NPAS3: variants seen among roughly 807,000 people sequenced by gnomAD.
NPAS3 encodes the protein neuronal PAS domain protein 3.
A neutral mutation model predicts 73.1 loss-of-function variants in NPAS3; 14 were observed. That is an observed-to-expected ratio of 0.19 (90% confidence interval 0.13 to 0.30). NPAS3 has a LOEUF of 0.30. Among genes scored for constraint, NPAS3 ranks in the 10% least tolerant of loss-of-function variants. The pLI, the probability that NPAS3 is intolerant of heterozygous loss-of-function variation, is 1.00. For synonymous variants in NPAS3, 620 were observed against 541.5 expected, an observed-to-expected ratio of 1.14 and a Z score of -2.01; for missense variants, 1,096 against 1,250.0, an observed-to-expected ratio of 0.88 and a Z score of 1.86.
In NPAS3 at chr14:33,386,390, C is replaced by T. The variant is rs1175689189; in HGVS notation, c.468+19122C>T. Among the ~76,000 whole-genome samples, 5 of 152,262 alleles carry T rather than the reference C, an allele frequency of 3.3e-5. No homozygotes were observed. In the East Asian group the frequency reaches 5.8e-4, roughly 18 times the overall value. ...ATCTCTTTCATTCCACAGAATCCTTCTTAAAGAGAGTGAGTAGATTTATCT... is the reference window on the plus strand; with the variant it reads ...ATCTCTTTCATTCCACAGAATCCTTTTTAAAGAGAGTGAGTAGATTTATCT... On this transcript the variant is annotated intron_variant, in intron 4 of 11. Coordinates refer to ENST00000356141, the Ensembl canonical transcript of NPAS3.
chr14:32,959,737 T>G (rs1250144201), intron 1 of NPAS3, among the ~76,000 whole-genome samples: 1 of 152,150 alleles, frequency 6.6e-6, no homozygotes, highest in East Asian at 1.9e-4. Flanking sequence ...GCATCACTAC[T>G]TTGTGTCGAG....
chr14:33,365,112 A>G (rs1331588298), intron 3 of NPAS3, among the ~76,000 whole-genome samples: 2 of 146,048 alleles, frequency 1.4e-5, no homozygotes, highest in Non-Finnish European at 3.0e-5. Flanking sequence ...TCTGAATCCT[A>G]ATTACTGTCT....
chr14:33,227,935 C>G (rs2047695666), intron 3 of NPAS3, among the ~76,000 whole-genome samples: 1 of 152,104 alleles, frequency 6.6e-6, no homozygotes, highest in African/African-American at 2.4e-5. Flanking sequence ...GTTGAACACT[C>G]CTGAGTTCAA....
intron 3 of NPAS3, among the ~76,000 whole-genome samples, chr14:33,266,763 AT>A (rs2139990272): frequency 6.6e-6 from 1 of 152,238 alleles, no homozygotes; most frequent in Non-Finnish European, 1.5e-5. Context: ...AATCTCAAAT[AT>A]TTTTATAGAG....
intron 6 of NPAS3, among the ~76,000 whole-genome samples, chr14:33,728,933 G>A (rs1013092166): frequency 1.3e-5 from 2 of 152,172 alleles, no homozygotes; most frequent in African/African-American, 4.8e-5. Flanking sequence ...GTGTGTGAGA[G>A]AGTGACAGGG....
At chr14:33,122,018 T>C (rs2043248647) in intron 2 of NPAS3, among the ~76,000 whole-genome samples, 1 of 152,154 alleles carries the variant, frequency 6.6e-6, no homozygotes, top group Admixed American at 6.5e-5. Context: ...ATGAAATTAC[T>C]GTGTTAATGT....
intron 5 of NPAS3, among the ~76,000 whole-genome samples, chr14:33,602,007 C>A (rs898806437): frequency 6.6e-6 from 1 of 152,144 alleles, no homozygotes; most frequent in Non-Finnish European, 1.5e-5. Context: ...GTGAGTCCTA[C>A]AACTTTTCCA....
chr14:33,243,989 G>A (rs1231786315), intron 3 of NPAS3, among the ~76,000 whole-genome samples: 1 of 152,030 alleles, frequency 6.6e-6, no homozygotes, highest in African/African-American at 2.4e-5. Context: ...TAATGTGAAA[G>A]CTTCTTTTTC....
chr14:33,045,274 A>C (rs2040471432), intron 1 of NPAS3, among the ~76,000 whole-genome samples: 1 of 152,126 alleles, frequency 6.6e-6, no homozygotes, highest in Admixed American at 6.5e-5. Context: ...AGGAGTTGGA[A>C]AGTTGCCTAT....
chr14:33,151,850 C>T (rs1205478330), intron 2 of NPAS3, among the ~76,000 whole-genome samples: 2 of 152,144 alleles, frequency 1.3e-5, no homozygotes, highest in African/African-American at 4.8e-5. Flanking sequence ...TAAAGTTAGT[C>T]TCTTTCTCTC....
intron 6 of NPAS3, among the ~76,000 whole-genome samples, chr14:33,686,415 C>T (rs1334542863): frequency 1.3e-5 from 2 of 152,114 alleles, no homozygotes; most frequent in Admixed American, 6.5e-5. Context: ...TATTTTATTA[C>T]TTATAAATAC....
chr14:33,153,299 A>G (rs1270572036), intron 2 of NPAS3, among the ~76,000 whole-genome samples: 1 of 151,788 alleles, frequency 6.6e-6, no homozygotes, highest in East Asian at 1.9e-4. Context: ...ATTTATGGTT[A>G]AGTGGTTTGG....
At chr14:32,957,828 T>A (rs1364789196) in intron 1 of NPAS3, among the ~76,000 whole-genome samples, 2 of 152,214 alleles carry the variant, frequency 1.3e-5, no homozygotes, top group African/African-American at 4.8e-5. Context: ...CACTTCTTAA[T>A]CCTGAATTTG....
intron 4 of NPAS3, among the ~76,000 whole-genome samples, chr14:33,531,749 A>G (rs1038455952): frequency 6.6e-6 from 1 of 152,098 alleles, no homozygotes; most frequent in Admixed American, 6.6e-5. Context: ...CTTTCTAAGA[A>G]ACTGCTTTAA....
At chr14:33,755,920 C>CTT (rs930873800) in intron 7 of NPAS3, among the ~76,000 whole-genome samples, 1 of 152,054 alleles carries the variant, frequency 6.6e-6, no homozygotes, top group African/African-American at 2.4e-5. Flanking sequence ...GGTGCCAGGT[C>CTT]TTTAACAACC....
chr14:33,039,062 T>G (rs1488826213), intron 1 of NPAS3, among the ~76,000 whole-genome samples: 1 of 152,200 alleles, frequency 6.6e-6, no homozygotes, highest in Non-Finnish European at 1.5e-5. Context: ...ATCAAAGATT[T>G]ACCCATGAAG....
intron 3 of NPAS3, among the ~76,000 whole-genome samples, chr14:33,351,817 T>C (rs1390519665): frequency 1.3e-5 from 2 of 152,194 alleles, no homozygotes; most frequent in African/African-American, 4.8e-5. Context: ...AGTTTATGCA[T>C]GTTCTCACTC....
chr14:33,209,246 A>G (rs1403921428), intron 2 of NPAS3, among the ~76,000 whole-genome samples: 1 of 152,132 alleles, frequency 6.6e-6, no homozygotes, highest in Admixed American at 6.5e-5. Context: ...CCGTTACCTT[A>G]TAAGAAAGCT....
chr14:33,172,048 T>A (rs1595602679), intron 2 of NPAS3, among the ~76,000 whole-genome samples: 1 of 152,202 alleles, frequency 6.6e-6, no homozygotes, highest in Non-Finnish European at 1.5e-5. Flanking sequence ...TGTGCCATCG[T>A]ATATAAGCAT....
Sources: gnomAD v4.1 joint callset for allele counts (sites outside exome capture counted in the v4.1 genomes callset) on GRCh38, gnomAD v4.1.1 for gene constraint, MANE v1.5 for transcripts, NCBI Gene and HGNC (gene_info 2026-07-23, HGNC 2026-07-21) for gene names.